Variants in LARP1B observed in about 807,000 individuals in gnomAD.
LARP1B encodes La ribonucleoprotein 1B.
A neutral mutation model predicts 114.2 loss-of-function variants in LARP1B; 76 were observed. The ratio of observed to expected loss-of-function variants is 0.67; its 90% CI spans 0.55 to 0.81. LARP1B has a LOEUF of 0.81. Among genes scored for constraint, LARP1B ranks in the 30% least tolerant of loss-of-function variants. LARP1B has a pLI of 0.00. For synonymous variants in LARP1B, 345 were observed against 348.0 expected, an observed-to-expected ratio of 0.99 and a Z score of 0.10; for missense variants, 1,014 against 1,075.8, an observed-to-expected ratio of 0.94 and a Z score of 0.80.
intron 15 of LARP1B, among the ~76,000 whole-genome samples, chr4:128,192,513 G>T (rs939401031): frequency 2.0e-5 from 3 of 152,088 alleles, no homozygotes; most frequent in African/African-American, 7.2e-5. Context: ...CTATAGTTGG[G>T]CAAAATCTAG....
rs1171389235 is a variant in LARP1B, at chr4:128,211,256, C to T, written c.*1203C>T. The T allele has an allele frequency of 1.1e-6, 1 of 949,102 alleles. No homozygotes were observed. The highest frequency in any genetic ancestry group is 1.3e-6 in the Non-Finnish European group (1 of 796,914). 58.8% of individuals were successfully genotyped at this position (949,102 alleles called of 1,614,324 possible). On this transcript the variant is annotated 3_prime_UTR_variant, in exon 20 of 20. Transcript: ENST00000326639. ...GAAGTTTCAATTATAAACTTACATT[C>T]ACTTTATTGAGCACTACATAATTTA...
chr4:128,093,281 A>C (rs1356112199), intron 7 of LARP1B, among the ~76,000 whole-genome samples: 1 of 151,922 alleles, frequency 6.6e-6, no homozygotes, highest in East Asian at 1.9e-4. Flanking sequence ...TGAGGTTTTG[A>C]TTTTCTTTTT....
chr4:128,102,433 C>T (rs1406982084), intron 8 of LARP1B, among the ~76,000 whole-genome samples: 9 of 152,166 alleles, frequency 5.9e-5, no homozygotes, highest in African/African-American at 1.9e-4. Flanking sequence ...TAAACGATGT[C>T]GTTCTGTTGA....
At chr4:128,188,679 GT>G (rs993196939) in intron 15 of LARP1B, among the ~76,000 whole-genome samples, 10 of 152,096 alleles carry the variant, frequency 6.6e-5, no homozygotes, top group African/African-American at 2.4e-4. Flanking sequence ...TATCTCATAG[GT>G]TTTGGAAAGT....
intron 8 of LARP1B, among the ~76,000 whole-genome samples, chr4:128,101,479 T>G (rs1780293112): frequency 6.6e-6 from 1 of 151,980 alleles, no homozygotes; most frequent in Non-Finnish European, 1.5e-5. Flanking sequence ...TGAAAATAAT[T>G]ACTGTAAGCA....
Position 128,176,857 on chromosome 4 carries a change from T to G in LARP1B, c.1649-15T>G, listed in dbSNP as rs754663825. ...AGACACAGCACAAAAAGGGACTAAT[T>G]AACTCTCTTGGCAGGAGGTGTTCAA... On this transcript the variant is annotated splice_polypyrimidine_tract_variant and intron_variant, in intron 12 of 19. Coordinates refer to ENST00000326639, the MANE Select transcript of LARP1B (RefSeq NM_018078.4). The G allele has an allele frequency of 4.3e-6, 7 of 1,612,886 alleles. No individual in the cohort carries two copies. The highest frequency in any genetic ancestry group is 5.9e-6 in the Non-Finnish European group (7 of 1,178,896).
intron 17 of LARP1B, among the ~76,000 whole-genome samples, chr4:128,202,335 A>G (rs1393270268): frequency 6.6e-6 from 1 of 152,228 alleles, no homozygotes; most frequent in African/African-American, 2.4e-5. Context: ...GAGTGGTTCT[A>G]ACATGCTTTA....
At position 128,091,033 on chromosome 4, in the gene LARP1B, C is replaced by G. The variant is rs1298220090; in HGVS notation, c.391C>G (p.Gln131Glu). 6.2e-7 allele frequency: 1 copy of G among 1,612,738 alleles called. No individual in the cohort carries two copies. Among genetic ancestry groups the G allele is most frequent in the Non-Finnish European group, 8.5e-7 (1 of 1,179,270 alleles). ...WKRDREKRDD[Q>E]DDVSSVRSEG... is the part of the protein sequence containing the mutation. ...GCGAGATAGAGAAAAAAGGGATGATCAAGATGACGTTTCCAGTGTGAGAAG... is the reference window on the plus strand; with the variant it reads ...GCGAGATAGAGAAAAAAGGGATGATGAAGATGACGTTTCCAGTGTGAGAAG... Residue 131 changes from glutamine (Q) to glutamate (E), a missense_variant, in exon 6 of 20, where the codon CAA (glutamine) becomes GAA (glutamate). By Grantham distance (29) the Gln-to-Glu change is conservative (BLOSUM62 2). Transcript: ENST00000326639.
intron 11 of LARP1B, among the ~76,000 whole-genome samples, chr4:128,149,310 T>C (rs1731660994): frequency 6.6e-6 from 1 of 152,158 alleles, no homozygotes; most frequent in Non-Finnish European, 1.5e-5. Flanking sequence ...GAATTTAGAA[T>C]AAAGAGCAAT....
At chr4:128,150,336 A>G (rs1296341868) in intron 11 of LARP1B, among the ~76,000 whole-genome samples, 2 of 139,728 alleles carry the variant, frequency 1.4e-5, no homozygotes, top group Admixed American at 7.5e-5. Flanking sequence ...TGTTGTGCCT[A>G]GGCTGGAATG....
At chr4:128,147,142 A>C (rs1409625467) in intron 11 of LARP1B, among the ~76,000 whole-genome samples, 4 of 152,226 alleles carry the variant, frequency 2.6e-5, no homozygotes, top group African/African-American at 9.6e-5. Flanking sequence ...TGGAGTTTCC[A>C]GTCCCCAGAT....
chr4:128,094,022 A>T (rs541747237), intron 7 of LARP1B, among the ~76,000 whole-genome samples: 113 of 150,090 alleles, frequency 7.5e-4, no homozygotes, highest in Non-Finnish European at 1.4e-3. Context: ...TTTTTTTTTT[A>T]AAAACATTTT....
intron 11 of LARP1B, among the ~76,000 whole-genome samples, chr4:128,148,551 A>G (rs1731305370): frequency 6.6e-6 from 1 of 152,082 alleles, no homozygotes; most frequent in East Asian, 1.9e-4. Flanking sequence ...TAAAGATTCT[A>G]ATTTGATGGG....
chr4:128,065,702 A>G (rs1423507065), intron 1 of LARP1B, among the ~76,000 whole-genome samples: 4 of 152,224 alleles, frequency 2.6e-5, no homozygotes, highest in African/African-American at 9.6e-5. Flanking sequence ...AATGAATAAC[A>G]TGGATAGACT....
At chr4:128,134,676 T>G (rs1352307291) in intron 11 of LARP1B, among the ~76,000 whole-genome samples, 1 of 152,156 alleles carries the variant, frequency 6.6e-6, no homozygotes, top group Non-Finnish European at 1.5e-5. Flanking sequence ...CAGAAAAATA[T>G]TTGCAAATTA....
intron 11 of LARP1B, among the ~76,000 whole-genome samples, chr4:128,128,814 TATA>T (rs1197076800): frequency 6.6e-6 from 1 of 152,170 alleles, no homozygotes. Context: ...TGAAATAGTT[TATA>T]AATCTGACAA....
chr4:128,193,152 A>T (rs1342106871), intron 15 of LARP1B, among the ~76,000 whole-genome samples: 2 of 152,058 alleles, frequency 1.3e-5, no homozygotes, highest in African/African-American at 2.4e-5. Context: ...TTTGTGCTAT[A>T]CTTTGTTATT....
intron 9 of LARP1B, among the ~76,000 whole-genome samples, chr4:128,109,602 C>A (rs550967424): frequency 6.6e-6 from 1 of 152,096 alleles, no homozygotes; most frequent in South Asian, 2.1e-4. Context: ...GAAAGGATTT[C>A]ATTCATCAGA....
intron 1 of LARP1B, among the ~76,000 whole-genome samples, chr4:128,069,855 T>C (rs1764529214): frequency 6.6e-6 from 1 of 152,132 alleles, no homozygotes; most frequent in African/African-American, 2.4e-5. Context: ...CAACCTCTTT[T>C]CTCCTACTAT....
Sources: allele counts gnomAD v4.1 joint callset (sites outside exome capture counted in the v4.1 genomes callset), GRCh38; gene constraint gnomAD v4.1.1; transcripts MANE v1.5; gene names NCBI Gene and HGNC (gene_info 2026-07-23, HGNC 2026-07-21).